The following LTA4H variants were observed in gnomAD, a reference collection of about 807,000 sequenced individuals.
The protein encoded by LTA4H is leukotriene A-4 hydrolase.
Under a neutral mutation model 89.8 loss-of-function variants are expected in LTA4H, and 59 were observed. That is an observed-to-expected ratio of 0.66 (90% CI 0.53 to 0.82). The LOEUF (loss-of-function observed/expected upper bound fraction) is 0.82, where lower values mean the gene tolerates loss of function less well. Ranked by LOEUF, LTA4H falls within the 40% of genes least tolerant of loss-of-function variation. The pLI is 0.00. For synonymous variants in LTA4H, 227 were observed against 253.1 expected (o/e 0.90, Z 0.98); for missense variants, 617 against 727.0 (o/e 0.85, Z 1.74).
At chr12:96,015,105 G>A (rs1220705441) in intron 11 of LTA4H, 106 bp from the exon 12 acceptor site, 21 of 1,038,258 alleles carry the variant, frequency 2.0e-5, no homozygotes, top group Non-Finnish European at 2.9e-5. Flanking sequence ...AACTTTAGGG[G>A]AATCTAAAAC....
intron 18 of LTA4H, among the ~76,000 whole-genome samples, chr12:96,001,961 G>A (rs186387423): frequency 0.022 from 3,333 of 152,026 alleles, 56 homozygotes; most frequent in South Asian, 0.036. Context: ...GGGTTCAAGC[G>A]ATTCTCCTGC....
At chr12:96,029,669 T>C (rs2660895) in intron 1 of LTA4H, among the ~76,000 whole-genome samples, 45,938 of 151,976 alleles carry the variant, frequency 0.3, 7,236 homozygotes, top group East Asian at 0.42. Flanking sequence ...CCTGGTATGG[T>C]AACTCAGACC....
chr12:96,004,355 TA>T lies in LTA4H; in HGVS notation c.1531-436del, dbSNP rs560314272. Among the ~76,000 whole-genome samples the T allele has an allele frequency of 2.0e-5, 3 of 152,364 alleles. No individual in the cohort carries two copies. The South Asian group carries it at 6.2e-4, about 32-fold the overall frequency. The stretch of plus-strand genomic sequence containing the variant: ...TGTATATTTCCTCTGAAATCCCTGT[TA>T]AATTATCTGCATACCTACATAATAG... On this transcript the variant is annotated intron_variant, in intron 16 of 18. Transcript: ENST00000228740.
At chr12:96,040,024 G>T, upstream of LTA4H, among the ~76,000 whole-genome samples, 1 of 152,108 alleles carries the variant, frequency 6.6e-6, no homozygotes. Context: ...AATTCTAGAG[G>T]GACAAGTTCT....
chr12:96,040,511 C>A (rs1950679469), upstream of LTA4H, among the ~76,000 whole-genome samples: 1 of 152,154 alleles, frequency 6.6e-6, no homozygotes, highest in Non-Finnish European at 1.5e-5. Flanking sequence ...ATTATGACTC[C>A]CAGGAAGTGT....
chr12:96,026,587 T>G (rs1950515573), intron 3 of LTA4H, among the ~76,000 whole-genome samples: 1 of 152,222 alleles, frequency 6.6e-6, no homozygotes. Context: ...TGAGGGTTTC[T>G]TAGATTAAAA....
At position 96,024,497 on chromosome 12, in the gene LTA4H, T is replaced by C. The variant is rs773346932; in HGVS notation, c.462A>G (p.Lys154=). 6.2e-7 allele frequency: 1 copy of C among 1,609,880 alleles called. No individual in the cohort carries two copies. Among genetic ancestry groups the C allele is most frequent in the Admixed American group, 1.7e-5 (1 of 59,982 alleles). ...ILPCQDTPSV[K]LTYTAEVSVP... is the part of the protein sequence containing the mutation. The stretch of plus-strand genomic sequence containing the variant: ...TATTTACCTCTGCAGTATAGGTTAA[T>C]TTCACAGAAGGAGTGTCCTGACAAG... Residue 154 remains lysine, a synonymous_variant, in exon 4 of 19, where the codon AAA becomes AAG. Coordinates refer to ENST00000228740, the MANE Select transcript of LTA4H (RefSeq NM_000895.3).
At chr12:96,006,199 AATG>A (rs1950196931) in intron 16 of LTA4H, 112 bp downstream of exon 16, 3 of 562,604 alleles carry the variant, frequency 5.3e-6, no homozygotes, top group Non-Finnish European at 9.4e-6. Flanking sequence ...AAATTTTATA[AATG>A]ATTTTTTCCC....
intron 3 of LTA4H, 59 bp downstream of exon 3, chr12:96,027,385 C>T (rs1592894936): frequency 2.0e-6 from 3 of 1,499,684 alleles, no homozygotes; most frequent in East Asian, 4.8e-5. Context: ...CATTTTGCTT[C>T]ATTCAACCAT....
At chr12:96,014,761 T>C in intron 12 of LTA4H, 94 bp downstream of exon 12, 1 of 1,170,396 alleles carries the variant, frequency 8.5e-7, no homozygotes, top group Middle Eastern at 2.2e-4. Context: ...GAATTGGAAG[T>C]ATTAAATGGA....
upstream of LTA4H, among the ~76,000 whole-genome samples, chr12:96,038,537 G>A (rs866418026): frequency 6.6e-6 from 1 of 151,746 alleles, no homozygotes; most frequent in Admixed American, 6.6e-5. Context: ...CCGCCACCAC[G>A]CCTGGCTAAT....
intron 1 of LTA4H, among the ~76,000 whole-genome samples, chr12:96,041,898 C>T (rs1566022099): frequency 1.3e-5 from 2 of 152,156 alleles, no homozygotes; most frequent in Non-Finnish European, 2.9e-5. Context: ...ACCTCAGCCT[C>T]CCAAAGTGCT....
upstream of LTA4H, among the ~76,000 whole-genome samples, chr12:96,036,383 T>C (rs1209757992): frequency 6.6e-6 from 1 of 151,862 alleles, no homozygotes; most frequent in Non-Finnish European, 1.5e-5. Context: ...ACTGGAAAAA[T>C]TGGAAGAGGC....
upstream of LTA4H, among the ~76,000 whole-genome samples, chr12:96,037,651 A>T: frequency 6.6e-6 from 1 of 151,758 alleles, no homozygotes; most frequent in South Asian, 2.1e-4. Context: ...TGAGAAGGGA[A>T]GATAAAGGGG....
At chr12:96,020,437 T>C (rs1056420429) in intron 6 of LTA4H, among the ~76,000 whole-genome samples, 6 of 152,144 alleles carry the variant, frequency 3.9e-5, no homozygotes, top group African/African-American at 1.4e-4. Flanking sequence ...ATCAAATTCA[T>C]AGGAACAGAA....
intron 3 of LTA4H, chr12:96,025,528 G>A (rs969938471): frequency 1.3e-5 from 2 of 152,164 alleles, no homozygotes; most frequent in African/African-American, 4.8e-5. Flanking sequence ...ATTAACATTG[G>A]TTCCATCCAG....
chr12:96,008,015 T>C (rs957856110), intron 15 of LTA4H, among the ~76,000 whole-genome samples: 1 of 152,150 alleles, frequency 6.6e-6, no homozygotes, highest in Non-Finnish European at 1.5e-5. Flanking sequence ...CGACTGTATA[T>C]TCATGGACAT....
intron 18 of LTA4H, among the ~76,000 whole-genome samples, chr12:96,001,586 T>G (rs1035155348): frequency 1.3e-5 from 2 of 152,196 alleles, no homozygotes; most frequent in Admixed American, 6.5e-5. Context: ...TAAAAAAAAT[T>G]TTTTAATCAA....
At chr12:96,027,268 A>C in intron 3 of LTA4H, 176 bp downstream of exon 3, 1 of 473,536 alleles carries the variant, frequency 2.1e-6, no homozygotes, top group East Asian at 4.1e-5. Context: ...TGAGTGTATT[A>C]ATAGTGAAAG....
Sources: allele counts gnomAD v4.1 joint callset (sites outside exome capture counted in the v4.1 genomes callset), GRCh38; gene constraint gnomAD v4.1.1; transcripts MANE v1.5; gene names NCBI Gene and HGNC (gene_info 2026-07-23, HGNC 2026-07-21).